Variants in MDGA2 observed in about 807,000 individuals in gnomAD.
MDGA2 encodes the protein MAM domain containing glycosylphosphatidylinositol anchor 2, also known as MAM domain-containing glycosylphosphatidylinositol anchor protein 2.
Under a neutral mutation model 117.8 loss-of-function variants are expected in MDGA2, and 40 were observed. The observed-to-expected ratio is 0.34, with a 90% CI of 0.26 to 0.44. The LOEUF (loss-of-function observed/expected upper bound fraction) is 0.44, where lower values mean the gene tolerates loss of function less well. MDGA2 is among the 20% of genes least tolerant of loss of function. The probability of loss-of-function intolerance (pLI) is 1.00; values close to 1 mark genes in which losing one functional copy is unlikely to be tolerated. For missense variants in MDGA2, 1,123 were observed against 1,250.6 expected (o/e 0.90, Z 1.54); for synonymous variants, 452 against 439.0 (o/e 1.03, Z -0.37).
intron 4 of MDGA2, among the ~76,000 whole-genome samples, chr14:47,134,777 C>CTATATATATATATATA (rs146851138): frequency 3.4e-5 from 5 of 145,910 alleles, no homozygotes; most frequent in East Asian, 2.0e-4. Flanking sequence ...CACACACACA[C>CTATATATATATATATA]TATATATATA....
chr14:47,516,655 G>C (rs1265134104), intron 1 of MDGA2, among the ~76,000 whole-genome samples: 1 of 152,192 alleles, frequency 6.6e-6, no homozygotes, highest in Admixed American at 6.6e-5. Flanking sequence ...CAGCTGCCAT[G>C]TGGGAAGCTG....
chr14:47,082,603 T>C lies in MDGA2; in HGVS notation c.1195+14251A>G, dbSNP rs544374112. Among the ~76,000 whole-genome samples the C allele has an allele frequency of 2.0e-5, 3 of 152,040 alleles. No homozygotes were observed. In the South Asian group the frequency reaches 6.2e-4, roughly 32 times the overall value. ...CTTTATCTATTATAAGATAAAGTAA[T>C]ATAAAAAAGAAAAGAAAAATATTTC... On this transcript the variant is annotated intron_variant, in intron 6 of 16. Transcript: ENST00000399232.
chr14:47,581,311 T>A (rs1206825236), intron 1 of MDGA2, among the ~76,000 whole-genome samples: 1 of 152,006 alleles, frequency 6.6e-6, no homozygotes, highest in East Asian at 1.9e-4. Context: ...GCCTGCTAAC[T>A]TCACTCAATC....
chr14:47,297,796 C>T, intron 2 of MDGA2, among the ~76,000 whole-genome samples: 1 of 152,060 alleles, frequency 6.6e-6, no homozygotes, highest in South Asian at 2.1e-4. Flanking sequence ...GATTTAAATG[C>T]ATGTAATTTA....
Position 46,884,143 on chromosome 14 carries a change from C to T in MDGA2, c.2239-1922G>A, listed in dbSNP as rs1882575263. On this transcript the variant is annotated intron_variant, in intron 10 of 16. Coordinates refer to ENST00000399232, the MANE Select transcript of MDGA2 (RefSeq NM_001113498.3). The surrounding 1 kb of genome is among the most constrained non-coding windows in gnomAD (Gnocchi z 4.1). ...CTAAGGTCATCAACAACATGGCCTA[C>T]TTTTACTTTGATTGTGAAACTCTTT... is the stretch of plus-strand genomic sequence containing the variant. 6.6e-6 allele frequency among the ~76,000 whole-genome samples: 1 copy of T among 152,040 alleles called. No homozygotes were observed. Among genetic ancestry groups the T allele is most frequent in the African/African-American group, 2.4e-5 (1 of 41,412 alleles).
intron 2 of MDGA2, among the ~76,000 whole-genome samples, chr14:47,254,130 G>C (rs568046929): frequency 3.9e-5 from 6 of 152,198 alleles, no homozygotes; most frequent in Non-Finnish European, 7.3e-5. Context: ...CTCCAGGCCT[G>C]TGATGGGAGA....
chr14:47,178,336 G>T (rs1322339159), intron 3 of MDGA2, among the ~76,000 whole-genome samples: 12 of 152,018 alleles, frequency 7.9e-5, no homozygotes. Flanking sequence ...ATCTCTACTC[G>T]GTCGAGGGCC....
At chr14:47,200,670 G>C in intron 3 of MDGA2, 2 of 1,117,704 alleles carry the variant, frequency 1.8e-6, no homozygotes, top group Non-Finnish European at 2.6e-6. Flanking sequence ...CTCAAGAGCT[G>C]TTTCTTCTTC....
intron 1 of MDGA2, among the ~76,000 whole-genome samples, chr14:47,597,745 G>T (rs1271366363): frequency 6.6e-6 from 1 of 151,446 alleles, no homozygotes; most frequent in Admixed American, 6.6e-5. Flanking sequence ...TGCTACTATG[G>T]CTTCCTTTAA....
chr14:47,332,046 G>A (rs999149893), intron 1 of MDGA2, among the ~76,000 whole-genome samples: 2 of 152,018 alleles, frequency 1.3e-5, no homozygotes, highest in Non-Finnish European at 2.9e-5. Flanking sequence ...AAAACTTGCA[G>A]AATGATTCAG....
Position 47,674,857 on chromosome 14 carries a change from TCACA to T in MDGA2, c.-65_-62del, listed in dbSNP as rs1566570398. The T allele has an allele frequency of 5.3e-6, 3 of 569,194 alleles. No individual in the cohort carries two copies. Among genetic ancestry groups the T allele is most frequent in the Non-Finnish European group, 9.2e-6 (3 of 325,698 alleles). The allele number at this position is 569,194 out of a possible 1,614,324, so 35.3% of individuals were successfully genotyped here. ...CACAACACAATACCCTGACACACAC[TCACA>T]CGCACGCCGCACTCACACCGGGTGC... On this transcript the variant is annotated 5_prime_UTR_variant, in exon 1 of 17. Transcript: ENST00000399232.
intron 9 of MDGA2, among the ~76,000 whole-genome samples, chr14:46,923,909 T>C (rs1449811224): frequency 6.6e-6 from 1 of 152,046 alleles, no homozygotes; most frequent in Non-Finnish European, 1.5e-5. Flanking sequence ...CATAAATATA[T>C]ATATTTTTAA....
chr14:47,387,973 T>C (rs887211341), intron 1 of MDGA2, among the ~76,000 whole-genome samples: 1 of 152,202 alleles, frequency 6.6e-6, no homozygotes, highest in Non-Finnish European at 1.5e-5. Context: ...CTTTTGAATA[T>C]TCACTACATT....
At chr14:47,321,902 A>G (rs1889991437) in intron 1 of MDGA2, among the ~76,000 whole-genome samples, 1 of 152,192 alleles carries the variant, frequency 6.6e-6, no homozygotes, top group African/African-American at 2.4e-5. Flanking sequence ...CATTTTTAAT[A>G]ATTTATATTG....
intron 2 of MDGA2, among the ~76,000 whole-genome samples, chr14:47,301,062 A>G (rs1036593639): frequency 1.3e-5 from 2 of 152,170 alleles, no homozygotes; most frequent in African/African-American, 4.8e-5. Context: ...CCACGTTTTA[A>G]AATAAACTCA....
At chr14:47,503,224 T>TACAG (rs1183746613) in intron 1 of MDGA2, among the ~76,000 whole-genome samples, 1 of 151,934 alleles carries the variant, frequency 6.6e-6, no homozygotes. Flanking sequence ...TGATGATCAG[T>TACAG]ACAGTGGATA....
At chr14:47,099,241 T>C (rs1232832374) in intron 5 of MDGA2, among the ~76,000 whole-genome samples, 2 of 151,970 alleles carry the variant, frequency 1.3e-5, no homozygotes, top group African/African-American at 2.4e-5. Flanking sequence ...GTTGAAATCA[T>C]TGTCATTTTG....
chr14:47,454,541 TTC>T (rs926257647), intron 1 of MDGA2, among the ~76,000 whole-genome samples: 9 of 152,316 alleles, frequency 5.9e-5, no homozygotes, highest in South Asian at 2.1e-4. Context: ...TTATTATTCA[TTC>T]TCTGTTTGTT....
chr14:47,533,968 A>G (rs988760449), intron 1 of MDGA2, among the ~76,000 whole-genome samples: 2 of 152,208 alleles, frequency 1.3e-5, no homozygotes, highest in Admixed American at 1.3e-4. Context: ...TCATCACTAT[A>G]AAATATTTAT....
Sources: gnomAD v4.1 joint callset for allele counts (sites outside exome capture counted in the v4.1 genomes callset) on GRCh38, gnomAD v4.1.1 for gene constraint, Gnocchi (gnomAD v3.1) non-coding constraint, MANE v1.5 for transcripts, NCBI Gene and HGNC (gene_info 2026-07-23, HGNC 2026-07-21) for gene names.